TMEM117: variants seen among roughly 807,000 people sequenced by gnomAD.
The protein encoded by TMEM117 is transmembrane protein 117.
In TMEM117, 27 loss-of-function variants were observed where a neutral mutation model predicts 52.4. The ratio of observed to expected loss-of-function variants is 0.51; its 90% confidence interval spans 0.38 to 0.71. The LOEUF is 0.71. Ranked by LOEUF, TMEM117 falls within the 30% of genes least tolerant of loss-of-function variation. TMEM117 has a pLI of 0.00. For missense variants in TMEM117, 556 were observed against 630.5 expected (o/e 0.88, Z 1.26); for synonymous variants, 215 against 206.3 (o/e 1.04, Z -0.36).
At chr12:44,145,086 G>A (rs1208658770) in intron 4 of TMEM117, among the ~76,000 whole-genome samples, 4 of 152,194 alleles carry the variant, frequency 2.6e-5, no homozygotes, top group Admixed American at 2.6e-4. Flanking sequence ...GAACCTGGGA[G>A]GCGGAGCTTG....
chr12:44,132,198 T>G (rs1188067266), intron 3 of TMEM117, among the ~76,000 whole-genome samples: 1 of 151,478 alleles, frequency 6.6e-6, no homozygotes, highest in Non-Finnish European at 1.5e-5. Flanking sequence ...TTTTTTTTTT[T>G]TTTTTTAGAT....
At chr12:44,037,360 A>G (rs1946725744) in intron 3 of TMEM117, among the ~76,000 whole-genome samples, 1 of 152,006 alleles carries the variant, frequency 6.6e-6, no homozygotes, top group South Asian at 2.1e-4. Context: ...CCCACTCCTG[A>G]TGCTCACTCC....
intron 3 of TMEM117, among the ~76,000 whole-genome samples, chr12:44,096,129 T>C (rs1304283587): frequency 2.0e-5 from 3 of 152,038 alleles, no homozygotes; most frequent in Non-Finnish European, 4.4e-5. Flanking sequence ...TCAAAGAGAA[T>C]AAAATACCTA....
chr12:43,809,736 A>G, the TMEM117 span, among the ~76,000 whole-genome samples: 2 of 152,194 alleles, frequency 1.3e-5, no homozygotes, highest in Non-Finnish European at 2.9e-5. Context: ...ATAAAGCATT[A>G]AATAAGAAAA....
At chr12:44,002,710 A>G (rs946492820) in intron 3 of TMEM117, among the ~76,000 whole-genome samples, 3 of 152,032 alleles carry the variant, frequency 2.0e-5, no homozygotes, top group Non-Finnish European at 4.4e-5. Flanking sequence ...ATGATTATCG[A>G]TCCTTGAGAG....
chr12:44,380,912 C>A (rs1952010996), intron 7 of TMEM117, among the ~76,000 whole-genome samples: 1 of 152,180 alleles, frequency 6.6e-6, no homozygotes, highest in African/African-American at 2.4e-5. Flanking sequence ...ATGCAAAATT[C>A]TCTCTCCCAA....
chr12:43,884,090 C>T (rs866584776), intron 2 of TMEM117, among the ~76,000 whole-genome samples: 2 of 148,088 alleles, frequency 1.4e-5, no homozygotes, highest in Non-Finnish European at 3.0e-5. Flanking sequence ...GAGCCATGAT[C>T]ACACCACTGC....
intron 2 of TMEM117, among the ~76,000 whole-genome samples, chr12:43,877,329 CT>C (rs1943815413): frequency 6.6e-6 from 1 of 152,048 alleles, no homozygotes; most frequent in Non-Finnish European, 1.5e-5. Flanking sequence ...GAGAATCTAT[CT>C]CATAGAAATA....
At chr12:43,871,656 C>T (rs1188228778) in intron 2 of TMEM117, among the ~76,000 whole-genome samples, 3 of 152,132 alleles carry the variant, frequency 2.0e-5, no homozygotes, top group Non-Finnish European at 4.4e-5. Flanking sequence ...CATTACAGAG[C>T]AGTTTTGCAA....
At chr12:43,817,217 C>G in the TMEM117 span, among the ~76,000 whole-genome samples, 2 of 152,140 alleles carry the variant, frequency 1.3e-5, no homozygotes, top group African/African-American at 4.8e-5. Context: ...AGAAAAATAA[C>G]CTTTGTGGAT....
intron 6 of TMEM117, among the ~76,000 whole-genome samples, chr12:44,350,343 A>G (rs535294297): frequency 1.3e-5 from 2 of 152,130 alleles, no homozygotes; most frequent in East Asian, 1.9e-4. Context: ...TAATCATATC[A>G]TGGAAATTGG....
intron 3 of TMEM117, among the ~76,000 whole-genome samples, chr12:44,042,843 A>G (rs574716215): frequency 6.6e-6 from 1 of 150,730 alleles, no homozygotes; most frequent in African/African-American, 2.4e-5. Flanking sequence ...AATCCTGAGT[A>G]ATATTGATTT....
chr12:43,870,473 G>T (rs969620629), intron 2 of TMEM117, among the ~76,000 whole-genome samples: 2 of 151,936 alleles, frequency 1.3e-5, no homozygotes, highest in African/African-American at 4.8e-5. Context: ...TGGCCAGGAT[G>T]GTCTCAATCT....
At chr12:43,942,936 T>C (rs1175389230) in intron 2 of TMEM117, among the ~76,000 whole-genome samples, 1 of 152,034 alleles carries the variant, frequency 6.6e-6, no homozygotes, top group Admixed American at 6.6e-5. Flanking sequence ...CCCAGCACTT[T>C]GGGAGGCCGA....
At chr12:44,186,173 A>T (rs1190818531) in intron 4 of TMEM117, among the ~76,000 whole-genome samples, 1 of 152,202 alleles carries the variant, frequency 6.6e-6, no homozygotes, top group Non-Finnish European at 1.5e-5. Context: ...GGGAGTCCTG[A>T]TAATGAGATG....
intron 2 of TMEM117, among the ~76,000 whole-genome samples, chr12:43,933,016 TA>T (rs916299637): frequency 5.9e-5 from 9 of 152,306 alleles, no homozygotes; most frequent in African/African-American, 2.2e-4. Flanking sequence ...CAAGATTGCT[TA>T]AGACCATGGA....
chr12:43,898,704 C>T (rs1487652168), intron 2 of TMEM117, among the ~76,000 whole-genome samples: 1 of 152,140 alleles, frequency 6.6e-6, no homozygotes, highest in Non-Finnish European at 1.5e-5. Context: ...ACTTACTTCA[C>T]AATGTACAAC....
At position 44,184,367 on chromosome 12, in the gene TMEM117, G is replaced by A. The variant is rs953434499; in HGVS notation, c.511-26923G>A. 3.3e-5 allele frequency among the ~76,000 whole-genome samples: 5 copies of A among 152,188 alleles called. No individual in the cohort carries two copies. In the South Asian group the frequency reaches 6.2e-4, roughly 19 times the overall value. On this transcript the variant is annotated intron_variant, in intron 4 of 7. Transcript: ENST00000266534. ...TTCAAAAATAAAGTAAAATAAAAAA[G>A]TAGAGAAATTAGCCTGGATTGTTTG...
At chr12:43,870,331 C>G (rs998090179) in intron 2 of TMEM117, among the ~76,000 whole-genome samples, 2 of 149,436 alleles carry the variant, frequency 1.3e-5, no homozygotes, top group East Asian at 3.9e-4. Flanking sequence ...GTGATCTCGG[C>G]TAACTGCAAC....
Sources: gnomAD v4.1 joint callset for allele counts (sites outside exome capture counted in the v4.1 genomes callset) on GRCh38, gnomAD v4.1.1 for gene constraint, MANE v1.5 for transcripts, NCBI Gene and HGNC (gene_info 2026-07-23, HGNC 2026-07-21) for gene names.